Variants in SRBD1 observed in about 807,000 individuals in gnomAD.
The protein encoded by SRBD1 is S1 RNA binding domain 1.
Under a neutral mutation model 115.3 loss-of-function variants are expected in SRBD1, and 88 were observed. The ratio of observed to expected loss-of-function variants is 0.76; its 90% confidence interval spans 0.64 to 0.91. SRBD1 has a LOEUF of 0.91. Among genes scored for constraint, SRBD1 ranks in the 40% least tolerant of loss-of-function variants. The pLI, the probability that SRBD1 is intolerant of heterozygous loss-of-function variation, is 0.00. For synonymous variants in SRBD1, 509 were observed against 407.7 expected, an observed-to-expected ratio of 1.25 and a Z score of -2.99; for missense variants, 1,385 against 1,177.4, an observed-to-expected ratio of 1.18 and a Z score of -2.58.
intron 14 of SRBD1, among the ~76,000 whole-genome samples, chr2:45,491,626 GTTAATATGCCAATTCTCTAT>G (rs1163969938): frequency 6.6e-6 from 1 of 152,128 alleles, no homozygotes; most frequent in Non-Finnish European, 1.5e-5. Flanking sequence ...AGATCTAAAA[GTTAATATGCCAATTCTCTAT>G]AATTAAATTG....
intron 16 of SRBD1, among the ~76,000 whole-genome samples, chr2:45,465,534 T>TACCTTGAACATAAAGG (rs1450570558): frequency 1.8e-4 from 28 of 152,326 alleles, no homozygotes; most frequent in African/African-American, 6.7e-4. Context: ...AACAGATTCT[T>TACCTTGAACATAAAGG]ACCTTGAACA....
At chr2:45,608,259 G>A (rs6731971) in intron 1 of SRBD1, among the ~76,000 whole-genome samples, 97,225 of 152,016 alleles carry the variant, frequency 0.64, 31,905 homozygotes, top group African/African-American at 0.76. Flanking sequence ...AAAGATGAGT[G>A]AGTTGTAATA....
chr2:45,533,721 ACT>A (rs1318439596), intron 14 of SRBD1, among the ~76,000 whole-genome samples: 5 of 152,170 alleles, frequency 3.3e-5, no homozygotes, highest in Non-Finnish European at 4.4e-5. Flanking sequence ...TATCAAAAAC[ACT>A]GATACAATCC....
At chr2:45,513,651 T>G (rs1177780696) in intron 14 of SRBD1, among the ~76,000 whole-genome samples, 1 of 152,062 alleles carries the variant, frequency 6.6e-6, no homozygotes, top group Non-Finnish European at 1.5e-5. Context: ...TTCAAGAAAA[T>G]GAGGAGTTAG....
intron 5 of SRBD1, among the ~76,000 whole-genome samples, chr2:45,583,346 G>C (rs1273746509): frequency 2.6e-5 from 4 of 152,054 alleles, no homozygotes; most frequent in African/African-American, 7.2e-5. Flanking sequence ...GTTTTCAAGG[G>C]CTAAAGCCTA....
At chr2:45,588,802 A>C (rs930335920) in intron 4 of SRBD1, among the ~76,000 whole-genome samples, 1 of 152,218 alleles carries the variant, frequency 6.6e-6, no homozygotes, top group Non-Finnish European at 1.5e-5. Flanking sequence ...TTTTATTGTT[A>C]TGAGGATGGT....
intron 3 of SRBD1, among the ~76,000 whole-genome samples, chr2:45,600,040 T>C (rs754834636): frequency 6.6e-6 from 1 of 152,158 alleles, no homozygotes; most frequent in Non-Finnish European, 1.5e-5. Flanking sequence ...CTGAAGAGAT[T>C]AGAGGTTGGC....
intron 19 of SRBD1, among the ~76,000 whole-genome samples, chr2:45,410,798 G>A (rs1667579535): frequency 6.6e-6 from 1 of 152,146 alleles, no homozygotes; most frequent in African/African-American, 2.4e-5. Flanking sequence ...AAACCCAAAA[G>A]GCCTGGGTTC....
chr2:45,428,573 A>AATAAATAC (rs747385611), intron 16 of SRBD1, among the ~76,000 whole-genome samples: 4,328 of 123,226 alleles, frequency 0.035, 141 homozygotes, highest in Admixed American at 0.1. Context: ...TAAATAAATA[A>AATAAATAC]ATAAATAAAT....
At chr2:45,435,129 T>C (rs1388995015) in intron 16 of SRBD1, among the ~76,000 whole-genome samples, 3 of 152,152 alleles carry the variant, frequency 2.0e-5, no homozygotes, top group East Asian at 3.8e-4. Context: ...ATGCTTAGTA[T>C]TCCATGGCGT....
intron 14 of SRBD1, among the ~76,000 whole-genome samples, chr2:45,545,514 T>C (rs1307566628): frequency 6.6e-6 from 1 of 152,054 alleles, no homozygotes; most frequent in Non-Finnish European, 1.5e-5. Flanking sequence ...TACATGAAAT[T>C]AATGTGAACA....
At chr2:45,589,938 A>G (rs1673665809) in intron 4 of SRBD1, among the ~76,000 whole-genome samples, 1 of 152,210 alleles carries the variant, frequency 6.6e-6, no homozygotes, top group Non-Finnish European at 1.5e-5. Flanking sequence ...ACTCTGACAG[A>G]AGTGTATATA....
intron 16 of SRBD1, among the ~76,000 whole-genome samples, chr2:45,476,399 A>C (rs879568019): frequency 6.6e-6 from 1 of 152,210 alleles, no homozygotes; most frequent in Admixed American, 6.5e-5. Flanking sequence ...TTTCACATTT[A>C]ATAGCTTTTG....
At chr2:45,507,689 G>A (rs1199247277) in intron 14 of SRBD1, among the ~76,000 whole-genome samples, 1 of 151,510 alleles carries the variant, frequency 6.6e-6, no homozygotes, top group African/African-American at 2.4e-5. Flanking sequence ...CACTGTACTC[G>A]AACCTGGGCA....
intron 14 of SRBD1, among the ~76,000 whole-genome samples, chr2:45,542,125 T>C (rs1434976262): frequency 1.3e-5 from 2 of 152,206 alleles, no homozygotes; most frequent in Non-Finnish European, 2.9e-5. Flanking sequence ...AAGCTGCCCT[T>C]AGCCATCACC....
chr2:45,462,649 T>TA lies in SRBD1; in HGVS notation c.2049+14343dup, dbSNP rs540175863. On this transcript the variant is annotated intron_variant, in intron 16 of 20. Coordinates refer to ENST00000263736, the MANE Select transcript of SRBD1 (RefSeq NM_018079.5). ...CAACATGGTGAAACCCCGTCTGTAC[T>TA]AAAAAAAAAAAAATACAAAAAAAAA... Among the ~76,000 whole-genome samples the TA allele has an allele frequency of 7.9e-3, 1,027 of 130,114 alleles. 11 individuals are homozygous for TA. The highest frequency in any genetic ancestry group is 0.024 in the African/African-American group (864 of 35,380). 85.4% of individuals were successfully genotyped at this position (130,114 alleles called of 152,430 possible). A position where few individuals can be genotyped will look rare whatever the true frequency, so the allele number is the denominator to read the frequency against.
intron 14 of SRBD1, among the ~76,000 whole-genome samples, chr2:45,528,585 A>C (rs769218507): frequency 3.9e-5 from 6 of 151,910 alleles, no homozygotes; most frequent in Non-Finnish European, 7.4e-5. Context: ...TCTAGAGACT[A>C]GCATAAGCCA....
intron 5 of SRBD1, among the ~76,000 whole-genome samples, chr2:45,584,377 T>C (rs568027076): frequency 7.9e-5 from 12 of 152,316 alleles, no homozygotes; most frequent in Admixed American, 5.2e-4. Context: ...CTATTTGATT[T>C]AGTCATTTAT....
intron 10 of SRBD1, among the ~76,000 whole-genome samples, chr2:45,554,681 C>A (rs1672416657): frequency 6.6e-6 from 1 of 151,988 alleles, no homozygotes; most frequent in East Asian, 1.9e-4. Flanking sequence ...TCCCTATAAA[C>A]CTTATAAAAT....
Sources: gnomAD v4.1 joint callset for allele counts (sites outside exome capture counted in the v4.1 genomes callset) on GRCh38, gnomAD v4.1.1 for gene constraint, MANE v1.5 for transcripts, NCBI Gene and HGNC (gene_info 2026-07-23, HGNC 2026-07-21) for gene names.